The following HRH1 variants were observed in gnomAD, a reference collection of about 807,000 sequenced individuals.
HRH1 encodes the protein histamine receptor H1, also known as histamine H1 receptor.
HRH1 carries 6 observed loss-of-function variants against 10.3 expected under a neutral mutation model. The observed-to-expected ratio is 0.58, with a 90% CI of 0.32 to 1.15. The LOEUF (loss-of-function observed/expected upper bound fraction) is 1.15, where lower values mean the gene tolerates loss of function less well. Ranked by LOEUF, HRH1 falls within the 50% of genes most tolerant of loss-of-function variation. HRH1 has a pLI of 0.05. For synonymous variants in HRH1, 242 were observed against 236.7 expected, an observed-to-expected ratio of 1.02 and a Z score of -0.21; for missense variants, 514 against 615.3, an observed-to-expected ratio of 0.84 and a Z score of 1.74.
At chr3:11,142,662 T>G (rs1936314171) in intron 1 of HRH1, among the ~76,000 whole-genome samples, 1 of 152,070 alleles carries the variant, frequency 6.6e-6, no homozygotes, top group Admixed American at 6.5e-5. Context: ...CGCCTGTAAT[T>G]CCAGCATTTT....
intron 1 of HRH1, among the ~76,000 whole-genome samples, chr3:11,173,541 A>G (rs1044167768): frequency 6.6e-6 from 1 of 151,914 alleles, no homozygotes; most frequent in South Asian, 2.1e-4. Context: ...AGCTGGGACT[A>G]CAGGCACCCG....
chr3:11,202,191 G>C (rs1195589477), intron 1 of HRH1, among the ~76,000 whole-genome samples: 2 of 152,172 alleles, frequency 1.3e-5, no homozygotes, highest in African/African-American at 4.8e-5. Flanking sequence ...ATCATGTGAG[G>C]TCAGGAGTTC....
chr3:11,138,989 C>CTT (rs35542980), intron 1 of HRH1, among the ~76,000 whole-genome samples: 8,078 of 140,004 alleles, frequency 0.058, 719 homozygotes, highest in African/African-American at 0.19. Flanking sequence ...CTGCATTGTT[C>CTT]TTTTTTTTTT....
rs776718675 is a variant in HRH1, at chr3:11,260,401, G to A, written c.1364G>A (p.Trp455Ter). 6.2e-7 allele frequency: 1 copy of A among 1,614,156 alleles called. No individual in the cohort carries two copies. The highest frequency in any genetic ancestry group is 1.3e-5 in the African/African-American group (1 of 75,034). Residue 455 changes from tryptophan to a stop codon, truncating the protein, a stop_gained, in exon 2 of 2, where the codon TGG (tryptophan) becomes TAG (stop). Transcript: ENST00000431010. LOFTEE classifies it high-confidence loss of function. The stretch of plus-strand genomic sequence containing the variant: ...GAACATTTGCACATGTTCACCATCT[G>A]GCTGGGCTACATCAACTCCACACTG... ...CNEHLHMFTI[W>*]LGYINSTLNP... is the part of the protein sequence containing the mutation.
chr3:11,237,101 T>G (rs955502332), intron 1 of HRH1, among the ~76,000 whole-genome samples: 1 of 152,236 alleles, frequency 6.6e-6, no homozygotes, highest in African/African-American at 2.4e-5. Flanking sequence ...TATCCTGAAA[T>G]GATACTTGTG....
In HRH1 at chr3:11,201,042, C is replaced by T. The variant is rs1215357982; in HGVS notation, c.-36+46488C>T. 2.0e-5 allele frequency among the ~76,000 whole-genome samples: 3 copies of T among 152,170 alleles called. No individual in the cohort carries two copies. In the East Asian group the frequency reaches 5.8e-4, roughly 29 times the overall value. ...CCTCTCCTCAGAAAGATGCCCCTGCCCTCAAAATGCTGTGTGCAGTTTTCG... is the reference window on the plus strand; with the variant it reads ...CCTCTCCTCAGAAAGATGCCCCTGCTCTCAAAATGCTGTGTGCAGTTTTCG... On this transcript the variant is annotated intron_variant, in intron 1 of 1. Coordinates refer to ENST00000431010, the MANE Select transcript of HRH1 (RefSeq NM_001098212.2).
At chr3:11,216,132 G>A (rs1938484583) in intron 1 of HRH1, among the ~76,000 whole-genome samples, 1 of 152,130 alleles carries the variant, frequency 6.6e-6, no homozygotes, top group Non-Finnish European at 1.5e-5. Flanking sequence ...TCCCTGAATG[G>A]TGAGTGGTGG....
chr3:11,241,996 C>A (rs901206166), intron 1 of HRH1, among the ~76,000 whole-genome samples: 1 of 151,862 alleles, frequency 6.6e-6, no homozygotes, highest in East Asian at 1.9e-4. Context: ...ATAGTGGGGA[C>A]GACTGAAAAA....
chr3:11,245,563 G>A (rs1232341017), intron 1 of HRH1, among the ~76,000 whole-genome samples: 4 of 152,122 alleles, frequency 2.6e-5, no homozygotes, highest in Non-Finnish European at 5.9e-5. Flanking sequence ...TGTTTCAGCT[G>A]CCCCCATTGG....
intron 1 of HRH1, among the ~76,000 whole-genome samples, chr3:11,230,972 G>A (rs1417539480): frequency 6.6e-6 from 1 of 152,154 alleles, no homozygotes; most frequent in Non-Finnish European, 1.5e-5. Context: ...CGTCACCAAT[G>A]TTGCCTTTCT....
intron 1 of HRH1, among the ~76,000 whole-genome samples, chr3:11,195,094 T>A (rs1278226894): frequency 6.6e-6 from 1 of 152,160 alleles, no homozygotes; most frequent in Non-Finnish European, 1.5e-5. Flanking sequence ...GAAATGGGTT[T>A]CCCCATCAAT....
intron 1 of HRH1, among the ~76,000 whole-genome samples, chr3:11,206,980 G>C (rs1378883033): frequency 6.6e-6 from 1 of 152,182 alleles, no homozygotes; most frequent in Non-Finnish European, 1.5e-5. Flanking sequence ...TGGAGTCAAG[G>C]AAGGAGGGAT....
rs1391552252 is a variant in HRH1, at chr3:11,148,112, G to A, written c.-36+10713G>A. Among the ~76,000 whole-genome samples, 10 of 151,756 alleles carry A rather than the reference G, an allele frequency of 6.6e-5. No homozygotes were observed. The East Asian group carries it at 7.8e-4, about 12-fold the overall frequency. ...GGAGAAACGCTTGAACCCAGGAGGC[G>A]GAGGTTGCAGTGAGCTGAGATTGTG... On this transcript the variant is annotated intron_variant, in intron 1 of 1. Coordinates refer to the HRH1 transcript ENST00000438284.
chr3:11,229,254 G>C (rs1048460350), intron 1 of HRH1, among the ~76,000 whole-genome samples: 8 of 152,134 alleles, frequency 5.3e-5, no homozygotes, highest in African/African-American at 1.9e-4. Flanking sequence ...TAATCTGCAA[G>C]ACACATCCTC....
chr3:11,202,358 T>A (rs1275688776), intron 1 of HRH1, among the ~76,000 whole-genome samples: 2 of 150,674 alleles, frequency 1.3e-5, no homozygotes, highest in African/African-American at 4.9e-5. Context: ...TGAGCCAAGA[T>A]CACACCACTG....
chr3:11,245,167 AC>A (rs1939445692), intron 1 of HRH1, among the ~76,000 whole-genome samples: 1 of 152,178 alleles, frequency 6.6e-6, no homozygotes. Context: ...ACCCTGGCCA[AC>A]ATAGCAAAAC....
In HRH1 at chr3:11,259,013, A is replaced by G. The variant is rs1420815842; in HGVS notation, c.-25A>G. The G allele has an allele frequency of 1.3e-6, 2 of 1,560,774 alleles. No homozygotes were observed. Among genetic ancestry groups the G allele is most frequent in the Non-Finnish European group, 1.7e-6 (2 of 1,153,884 alleles). ...TCTCTTTTCTCCCAGGGAGTGAGCC[A>G]TAACTGGTGGCTGCTCTTGCGCCAA... is the stretch of plus-strand genomic sequence containing the variant. On this transcript the variant is annotated 5_prime_UTR_variant, in exon 2 of 2. Transcript: ENST00000431010. This position sits in a 1 kb window ranked among gnomAD's most constrained non-coding sequence, Gnocchi z 4.6.
chr3:11,209,295 T>G (rs548414187), intron 1 of HRH1, among the ~76,000 whole-genome samples: 2 of 152,324 alleles, frequency 1.3e-5, no homozygotes, highest in South Asian at 4.1e-4. Flanking sequence ...TCTTGCTCTA[T>G]TGCCCAGGCT....
In HRH1 at chr3:11,260,474, C is replaced by A; in HGVS notation, c.1437C>A (p.Phe479Leu). The change falls in exon 2 of 2, where the codon TTC becomes TTA. Residue 479 changes from phenylalanine (F) to leucine (L), a missense_variant. Transcript: ENST00000431010. The stretch of plus-strand genomic sequence containing the variant: ...GCAATGAGAACTTCAAGAAGACATT[C>A]AAGAGAATTCTGCATATTCGCTCCT... ...PLCNENFKKTFKRILHIRS is the reference protein window; with the variant it reads ...PLCNENFKKTLKRILHIRS The A allele has an allele frequency of 6.2e-7, 1 of 1,606,750 alleles. No individual in the cohort carries two copies. Among genetic ancestry groups the A allele is most frequent in the Non-Finnish European group, 8.5e-7 (1 of 1,175,722 alleles).
Sources: gnomAD v4.1 joint callset for allele counts (sites outside exome capture counted in the v4.1 genomes callset) on GRCh38, gnomAD v4.1.1 for gene constraint, Gnocchi (gnomAD v3.1) non-coding constraint, MANE v1.5 for transcripts, NCBI Gene and HGNC (gene_info 2026-07-23, HGNC 2026-07-21) for gene names.